ANKRD13D: variants seen among roughly 807,000 people sequenced by gnomAD.
ANKRD13D encodes the protein ankyrin repeat domain 13D.
A neutral mutation model predicts 68.8 loss-of-function variants in ANKRD13D; 24 were observed. That is an observed-to-expected ratio of 0.35 (90% confidence interval 0.25 to 0.49). ANKRD13D has a LOEUF of 0.49. ANKRD13D is among the 20% of genes least tolerant of loss of function. The pLI, the probability that ANKRD13D is intolerant of heterozygous loss-of-function variation, is 0.99. For missense variants in ANKRD13D, 735 were observed against 832.1 expected, an observed-to-expected ratio of 0.88 and a Z score of 1.44; for synonymous variants, 331 against 336.1, an observed-to-expected ratio of 0.98 and a Z score of 0.16.
chr11:67,299,952 C>T lies in ANKRD13D; in HGVS notation c.943-41C>T. 6.3e-7 allele frequency: 1 copy of T among 1,590,102 alleles called. No homozygotes were observed. The highest frequency in any genetic ancestry group is 8.6e-7 in the Non-Finnish European group (1 of 1,165,508). ...CCGAGCCTGGGCGGGAGGGCACCCTCTGTCACCTTGATGGCTGAGTCCGCC... is the reference window on the plus strand; with the variant it reads ...CCGAGCCTGGGCGGGAGGGCACCCTTTGTCACCTTGATGGCTGAGTCCGCC... On this transcript the variant is annotated intron_variant, in intron 9 of 14. Transcript: ENST00000511455. The surrounding 1 kb of genome is among the most constrained non-coding windows in gnomAD (Gnocchi z 6.2).
chr11:67,290,797 C>G lies in ANKRD13D; in HGVS notation c.351+351C>G. 8.2e-6 allele frequency: 2 copies of G among 244,812 alleles called. 1 individual carries two copies. Among genetic ancestry groups the G allele is most frequent in the South Asian group, 1.1e-4 (2 of 17,416 alleles). 15.2% of individuals were successfully genotyped at this position (244,812 alleles called of 1,614,324 possible). On this transcript the variant is annotated intron_variant, in intron 3 of 14. Coordinates refer to ENST00000511455, the MANE Select transcript of ANKRD13D (RefSeq NM_207354.3). ...TCTGGAAGCACACGGAGGGGCCTGG[C>G]TGGCAGAGCATACTATCTCATACCC...
At chr11:67,296,162 T>C (rs1042273891) in intron 6 of ANKRD13D, among the ~76,000 whole-genome samples, 2 of 152,232 alleles carry the variant, frequency 1.3e-5, no homozygotes, top group East Asian at 1.9e-4. Flanking sequence ...TCATAAGTGA[T>C]ATTGGTCTGT....
At chr11:67,298,065 T>C (rs1279306696) in intron 6 of ANKRD13D, 1 of 21,120 alleles carries the variant, frequency 4.7e-5, no homozygotes, top group African/African-American at 5.4e-5. Context: ...TCTTTTTTTT[T>C]TTTTTTTTTT....
At chr11:67,292,314 G>T in intron 6 of ANKRD13D, 134 bp downstream of exon 6, 2 of 1,088,728 alleles carry the variant, frequency 1.8e-6, no homozygotes, top group East Asian at 2.7e-5. Context: ...CTCAGGGGCA[G>T]GTGGGTTGCT....
Position 67,299,439 on chromosome 11 carries a change from TG to T in ANKRD13D, c.799-88del. The T allele has an allele frequency of 8.9e-7, 1 of 1,118,714 alleles. No homozygotes were observed. Among genetic ancestry groups the T allele is most frequent in the Non-Finnish European group, 1.3e-6 (1 of 772,940 alleles). 69.3% of individuals were successfully genotyped at this position (1,118,714 alleles called of 1,614,324 possible). A position where few individuals can be genotyped will look rare whatever the true frequency, so the allele number is the denominator to read the frequency against. ...TGGGGAGCAAGATCTCATCTGTCTC[TG>T]GGACAGGAGGACCTGGGTTCTGCAC... On this transcript the variant is annotated intron_variant, in intron 7 of 14. Coordinates refer to ENST00000511455, the MANE Select transcript of ANKRD13D (RefSeq NM_207354.3). The surrounding 1 kb of genome is among the most constrained non-coding windows in gnomAD (Gnocchi z 6.2).
At chr11:67,296,352 T>TGTGC (rs1402147557) in intron 6 of ANKRD13D, among the ~76,000 whole-genome samples, 1 of 151,774 alleles carries the variant, frequency 6.6e-6, no homozygotes, top group Non-Finnish European at 1.5e-5. Flanking sequence ...TGTGTGTGTG[T>TGTGC]GTGTGTGTGT....
At position 67,300,055 on chromosome 11, in the gene ANKRD13D, C is replaced by A; in HGVS notation, c.1005C>A (p.Phe335Leu). 6.2e-7 allele frequency: 1 copy of A among 1,614,100 alleles called. No individual in the cohort carries two copies. Among genetic ancestry groups the A allele is most frequent in the South Asian group, 1.1e-5 (1 of 91,082 alleles). Residue 335 changes from phenylalanine to leucine, a missense_variant, in exon 10 of 15, where the codon TTC (phenylalanine) becomes TTA (leucine). Transcript: ENST00000511455. This position sits in a 1 kb window ranked among gnomAD's most constrained non-coding sequence, Gnocchi z 4.3. ...CAGCCATCTCCCCTGAGGAGTACTT[C>A]GACCCCAACTTCAGCCTGGAGTCAC... ...NPTAISPEEY[F>L]DPNFSLESRN...
Position 67,300,794 on chromosome 11 carries a change from C to T in ANKRD13D, c.1074-196C>T, listed in dbSNP as rs1860947083. 1 of 646,214 alleles carries T rather than the reference C, an allele frequency of 1.5e-6. No homozygotes were observed. The highest frequency in any genetic ancestry group is 2.6e-6 in the Non-Finnish European group (1 of 382,610). The allele number at this position is 646,214 out of a possible 1,614,324, so 40.0% of individuals were successfully genotyped here. On this transcript the variant is annotated intron_variant, in intron 10 of 14. Transcript: ENST00000511455. This position sits in a 1 kb window ranked among gnomAD's most constrained non-coding sequence, Gnocchi z 4.3. ...ATCCTCAGGAGCCCCAGCCTGGGCC[C>T]AGGGAGGAGGGCAGCTTGGGCCACG...
At chr11:67,291,860 T>A (rs1860570185) in intron 5 of ANKRD13D, 114 bp downstream of exon 5, 1 of 1,519,576 alleles carries the variant, frequency 6.6e-7, no homozygotes, top group East Asian at 2.4e-5. Context: ...AGGTTGGGGA[T>A]GGAGGGGCAT....
Position 67,299,899 on chromosome 11 carries a change from G to T in ANKRD13D, c.942+11G>T. The T allele has an allele frequency of 1.3e-6, 2 of 1,551,920 alleles. No individual in the cohort carries two copies. Among genetic ancestry groups the T allele is most frequent in the Non-Finnish European group, 1.7e-6 (2 of 1,147,434 alleles). On this transcript the variant is annotated intron_variant, in intron 9 of 14. Coordinates refer to ENST00000511455, the MANE Select transcript of ANKRD13D (RefSeq NM_207354.3). The surrounding 1 kb of genome is among the most constrained non-coding windows in gnomAD (Gnocchi z 6.2). ...TCCTCCCACACCGGGGTGAGCCGGG[G>T]CTGGGCCGAGACAGGGCTGGCGGGG... is the stretch of plus-strand genomic sequence containing the variant.
intron 6 of ANKRD13D, among the ~76,000 whole-genome samples, chr11:67,294,728 C>G (rs1860698671): frequency 6.6e-6 from 1 of 151,966 alleles, no homozygotes; most frequent in Admixed American, 6.6e-5. Flanking sequence ...TTTAGAGAGA[C>G]AGGATTTCAC....
intron 6 of ANKRD13D, among the ~76,000 whole-genome samples, chr11:67,294,547 GTT>G (rs1014060415): frequency 6.9e-6 from 1 of 143,922 alleles, no homozygotes; most frequent in Non-Finnish European, 1.5e-5. Context: ...TTGTTTTTTT[GTT>G]TTTTTTTTTG....
In ANKRD13D at chr11:67,301,452, C is replaced by T. The variant is rs756537010; in HGVS notation, c.1349-36C>T. Reference sequence around the variant, plus strand: ...GCACAGCTTTCTGGTCACCAAGCCCCGCGGGTTGAGCGTGGCCCCTCTGCC... The same window carrying T: ...GCACAGCTTTCTGGTCACCAAGCCCTGCGGGTTGAGCGTGGCCCCTCTGCC... On this transcript the variant is annotated intron_variant, in intron 12 of 14. Transcript: ENST00000511455. The surrounding 1 kb of genome is among the most constrained non-coding windows in gnomAD (Gnocchi z 4.5). The T allele has an allele frequency of 3.1e-6, 5 of 1,607,974 alleles. No homozygotes were observed. The highest frequency in any genetic ancestry group is 1.7e-5 in the Admixed American group (1 of 59,622).
In ANKRD13D at chr11:67,299,381, C is replaced by T; in HGVS notation, c.799-149C>T. ...GGCTGCATCTCCTCGTTGGTGACTT[C>T]CTGGGGTTCAGACCCTGCCACCTCC... On this transcript the variant is annotated intron_variant, in intron 7 of 14. Coordinates refer to ENST00000511455, the MANE Select transcript of ANKRD13D (RefSeq NM_207354.3). The surrounding 1 kb of genome is among the most constrained non-coding windows in gnomAD (Gnocchi z 6.2). 1 of 750,112 alleles carries T rather than the reference C, an allele frequency of 1.3e-6. No individual in the cohort carries two copies. Among genetic ancestry groups the T allele is most frequent in the Non-Finnish European group, 2.2e-6 (1 of 455,884 alleles). 46.5% of individuals were successfully genotyped at this position (750,112 alleles called of 1,614,324 possible).
chr11:67,296,005 A>G (rs1860744261), intron 6 of ANKRD13D, among the ~76,000 whole-genome samples: 1 of 152,214 alleles, frequency 6.6e-6, no homozygotes, highest in South Asian at 2.1e-4. Flanking sequence ...TTTTTTAAAA[A>G]ATTCTATTGA....
chr11:67,292,026 C>A lies in ANKRD13D; in HGVS notation c.577C>A (p.Arg193=). 1 of 1,592,338 alleles carries A rather than the reference C, an allele frequency of 6.3e-7. No individual in the cohort carries two copies. The highest frequency in any genetic ancestry group is 1.1e-5 in the South Asian group (1 of 90,160). Reference sequence around the variant, plus strand: ...CCTGGTGATGGAAGTGGACCATGACCGGCAGGTGGTGCATGTGGAGACACT... The same window carrying A: ...CCTGGTGATGGAAGTGGACCATGACAGGCAGGTGGTGCATGTGGAGACACT... ...GALVMEVDHD[R]QVVHVETLGL... Residue 193 remains arginine, a synonymous_variant, in exon 6 of 15, where the codon CGG becomes AGG. Transcript: ENST00000511455.
At chr11:67,291,394 G>T in intron 3 of ANKRD13D, 82 bp from the exon 4 acceptor site, 1 of 1,451,902 alleles carries the variant, frequency 6.9e-7, no homozygotes, top group Non-Finnish European at 9.5e-7. Context: ...GAAGGGCTGG[G>T]CTGGCTGTGG....
intron 1 of ANKRD13D, 46 bp downstream of exon 1, chr11:67,289,596 C>G: frequency 6.7e-7 from 1 of 1,483,006 alleles, no homozygotes. Flanking sequence ...GGTCCCCCAC[C>G]CAAGGCTGTG....
chr11:67,302,334 C>A lies in ANKRD13D; in HGVS notation c.*2C>A. 1.3e-6 allele frequency: 2 copies of A among 1,510,348 alleles called. No individual in the cohort carries two copies. The highest frequency in any genetic ancestry group is 1.8e-6 in the Non-Finnish European group (2 of 1,120,122). 93.6% of individuals were successfully genotyped at this position (1,510,348 alleles called of 1,614,324 possible). On this transcript the variant is annotated 3_prime_UTR_variant, in exon 15 of 15. Coordinates refer to ENST00000511455, the MANE Select transcript of ANKRD13D (RefSeq NM_207354.3). Reference sequence around the variant, plus strand: ...CAGCTGTCACTCACTGAGCACTGAGCCATAGCCCCGGGAGGGCTGGCCAGG... The same window carrying A: ...CAGCTGTCACTCACTGAGCACTGAGACATAGCCCCGGGAGGGCTGGCCAGG...
Sources: allele counts gnomAD v4.1 joint callset (sites outside exome capture counted in the v4.1 genomes callset), GRCh38; gene constraint gnomAD v4.1.1; non-coding constraint Gnocchi (gnomAD v3.1); transcripts MANE v1.5; gene names NCBI Gene and HGNC (gene_info 2026-07-23, HGNC 2026-07-21).